HPSE2: variants seen among roughly 807,000 people sequenced by gnomAD.
HPSE2 encodes the protein inactive heparanase-2.
Under a neutral mutation model 60.5 loss-of-function variants are expected in HPSE2, and 38 were observed. The ratio of observed to expected loss-of-function variants is 0.63; its 90% confidence interval spans 0.48 to 0.82. HPSE2 has a LOEUF of 0.82. HPSE2 is among the 40% of genes least tolerant of loss of function. HPSE2 has a pLI of 0.00. For synonymous variants in HPSE2, 295 were observed against 293.2 expected, an observed-to-expected ratio of 1.01 and a Z score of -0.06; for missense variants, 713 against 740.4, an observed-to-expected ratio of 0.96 and a Z score of 0.43.
At chr10:99,102,661 C>T (rs11189969) in intron 3 of HPSE2, among the ~76,000 whole-genome samples, 72,116 of 151,882 alleles carry the variant, frequency 0.47, 19,472 homozygotes, top group Non-Finnish European at 0.61. Flanking sequence ...ATACCAAAGC[C>T]TGGCAGAGAC....
intron 3 of HPSE2, among the ~76,000 whole-genome samples, chr10:98,772,580 G>T (rs1045117917): frequency 2.3e-4 from 35 of 152,162 alleles, no homozygotes; most frequent in Non-Finnish European, 1.2e-4. Context: ...TACAGGCTCT[G>T]AGCAGACAGT....
the HPSE2 span, among the ~76,000 whole-genome samples, chr10:99,308,379 C>CAAAAAAAAAAAAAAAAAAAAA: frequency 2.5e-4 from 7 of 28,132 alleles, 1 homozygote; most frequent in South Asian, 2.0e-3. Flanking sequence ...GACTCTGTCT[C>CAAAAAAAAAAAAAAAAAAAAA]AAAAAAAAAA....
chr10:98,948,184 G>A (rs956164955), intron 3 of HPSE2, among the ~76,000 whole-genome samples: 10 of 152,174 alleles, frequency 6.6e-5, no homozygotes, highest in Non-Finnish European at 1.3e-4. Context: ...GAAAGCCATA[G>A]TCCAAAACAA....
intron 3 of HPSE2, among the ~76,000 whole-genome samples, chr10:98,925,923 A>G (rs754911394): frequency 6.6e-6 from 1 of 152,074 alleles, no homozygotes; most frequent in Non-Finnish European, 1.5e-5. Flanking sequence ...ACTCACCATC[A>G]TGTTGTTCCT....
intron 3 of HPSE2, among the ~76,000 whole-genome samples, chr10:98,942,626 G>A (rs1208705360): frequency 6.6e-6 from 1 of 152,176 alleles, no homozygotes; most frequent in Admixed American, 6.5e-5. Flanking sequence ...CTTTCACACT[G>A]TTGGTGGGAC....
intron 9 of HPSE2, among the ~76,000 whole-genome samples, chr10:98,515,424 A>C (rs1942570592): frequency 6.6e-6 from 1 of 152,236 alleles, no homozygotes; most frequent in African/African-American, 2.4e-5. Flanking sequence ...TAAATCAATT[A>C]ATGAGTAAAC....
At chr10:98,976,209 GA>G (rs1157686769) in intron 3 of HPSE2, among the ~76,000 whole-genome samples, 1 of 152,094 alleles carries the variant, frequency 6.6e-6, no homozygotes, top group Non-Finnish European at 1.5e-5. Flanking sequence ...CTCAAGGAAA[GA>G]GACTATACAT....
intron 9 of HPSE2, among the ~76,000 whole-genome samples, chr10:98,531,514 G>C (rs1444278629): frequency 6.6e-6 from 1 of 152,154 alleles, no homozygotes; most frequent in Non-Finnish European, 1.5e-5. Flanking sequence ...TGGTATTCAA[G>C]CAACTGTAGT....
chr10:98,810,972 T>C (rs1321697008), intron 3 of HPSE2, among the ~76,000 whole-genome samples: 1 of 152,050 alleles, frequency 6.6e-6, no homozygotes, highest in Non-Finnish European at 1.5e-5. Flanking sequence ...ACCAAATATA[T>C]GCTACAAACC....
chr10:98,731,762 G>C (rs1949233834), intron 4 of HPSE2, among the ~76,000 whole-genome samples: 1 of 152,154 alleles, frequency 6.6e-6, no homozygotes, highest in Non-Finnish European at 1.5e-5. Flanking sequence ...ATTTGTACTA[G>C]AGATTCTAGC....
chr10:98,709,516 A>T (rs1948627037), intron 5 of HPSE2, among the ~76,000 whole-genome samples: 1 of 152,220 alleles, frequency 6.6e-6, no homozygotes, highest in South Asian at 2.1e-4. Context: ...GCTGATCTTC[A>T]GTCACACAGA....
chr10:98,789,512 G>A (rs1338555701), intron 3 of HPSE2, among the ~76,000 whole-genome samples: 1 of 152,228 alleles, frequency 6.6e-6, no homozygotes, highest in Non-Finnish European at 1.5e-5. Flanking sequence ...CAAACTGGTA[G>A]AAAACTGTGA....
At chr10:98,561,574 G>T (rs1331456758) in intron 9 of HPSE2, among the ~76,000 whole-genome samples, 1 of 152,186 alleles carries the variant, frequency 6.6e-6, no homozygotes. Flanking sequence ...TTGGCCAGGT[G>T]CAGTGGCTCA....
In HPSE2 at chr10:98,743,939, C is replaced by G; in HGVS notation, c.728G>C (p.Ser243Thr). ...TTTGCTGGCGCTGTACTTCAACAGA[C>G]TCAGGGCACTAGAACTGTTCCAGGA... ...NNSWNSSSAL[S>T]LLKYSASKKY... Residue 243 changes from serine to threonine, a missense_variant, in exon 4 of 12, where the codon AGT becomes ACT. By Grantham distance (58) the Ser-to-Thr change is moderately conservative. Transcript: ENST00000370552. 1 of 1,614,126 alleles carries G rather than the reference C, an allele frequency of 6.2e-7. No individual in the cohort carries two copies. The highest frequency in any genetic ancestry group is 8.5e-7 in the Non-Finnish European group (1 of 1,179,984).
chr10:99,226,582 G>T (rs995051238), intron 2 of HPSE2, among the ~76,000 whole-genome samples: 4 of 151,908 alleles, frequency 2.6e-5, no homozygotes, highest in African/African-American at 9.7e-5. Context: ...TGACTTATCT[G>T]CTGATGTTAA....
chr10:98,472,575 T>C (rs986960809), intron 11 of HPSE2, among the ~76,000 whole-genome samples: 2 of 152,246 alleles, frequency 1.3e-5, no homozygotes, highest in African/African-American at 4.8e-5. Flanking sequence ...TTAACAGCTT[T>C]CCTCACATGG....
intron 3 of HPSE2, among the ~76,000 whole-genome samples, chr10:99,003,690 ATTGAG>A (rs1956827423): frequency 6.6e-6 from 1 of 152,000 alleles, no homozygotes; most frequent in African/African-American, 2.4e-5. Flanking sequence ...TCTTCTTGCT[ATTGAG>A]TTGAGTTCCT....
At chr10:98,712,699 C>T (rs10748752) in intron 5 of HPSE2, among the ~76,000 whole-genome samples, 28,076 of 152,014 alleles carry the variant, frequency 0.18, 3,008 homozygotes, top group East Asian at 0.39. Context: ...ATCTCCTTTG[C>T]TCAACTTTAA....
intron 2 of HPSE2, among the ~76,000 whole-genome samples, chr10:99,187,175 C>T (rs1051661276): frequency 2.6e-5 from 4 of 152,014 alleles, no homozygotes; most frequent in African/African-American, 9.7e-5. Context: ...TATTGTTAAT[C>T]ATCCTAATAG....
Sources: allele counts gnomAD v4.1 joint callset (sites outside exome capture counted in the v4.1 genomes callset), GRCh38; gene constraint gnomAD v4.1.1; transcripts MANE v1.5; gene names NCBI Gene and HGNC (gene_info 2026-07-23, HGNC 2026-07-21).